PRKCE: variants seen among roughly 807,000 people sequenced by gnomAD.
PRKCE encodes protein kinase C epsilon, also known as protein kinase C epsilon type.
In PRKCE, 16 loss-of-function variants were observed where a neutral mutation model predicts 85.4. The ratio of observed to expected loss-of-function variants is 0.19; its 90% CI spans 0.13 to 0.28. The LOEUF is 0.28. Ranked by LOEUF, PRKCE falls within the 10% of genes least tolerant of loss-of-function variation. PRKCE has a pLI of 1.00. For synonymous variants in PRKCE, 388 were observed against 371.5 expected, an observed-to-expected ratio of 1.04 and a Z score of -0.51; for missense variants, 573 against 975.2, an observed-to-expected ratio of 0.59 and a Z score of 5.49.
At chr2:45,879,901 C>T (rs897459576) in intron 2 of PRKCE, among the ~76,000 whole-genome samples, 1 of 152,222 alleles carries the variant, frequency 6.6e-6, no homozygotes, top group African/African-American at 2.4e-5. Flanking sequence ...TATCCTCCTC[C>T]TACCTATTTG....
chr2:45,790,176 T>C (rs1406247426), intron 1 of PRKCE, among the ~76,000 whole-genome samples: 3 of 152,212 alleles, frequency 2.0e-5, no homozygotes, highest in African/African-American at 7.2e-5. Flanking sequence ...AAAATGCACA[T>C]ATGCATAAAT....
At chr2:45,692,879 A>G (rs1176256242) in intron 1 of PRKCE, among the ~76,000 whole-genome samples, 1 of 152,236 alleles carries the variant, frequency 6.6e-6, no homozygotes, top group Non-Finnish European at 1.5e-5. Context: ...TTTTAGTTGT[A>G]GAGAAGTGAG....
chr2:45,844,867 A>AT (rs1292110799), intron 2 of PRKCE, among the ~76,000 whole-genome samples: 2 of 151,964 alleles, frequency 1.3e-5, no homozygotes, highest in South Asian at 2.1e-4. Flanking sequence ...GAAGCAATTG[A>AT]TTTTTTTCTG....
chr2:46,001,087 A>T lies in PRKCE; in HGVS notation c.824-317A>T, dbSNP rs1056236120. 1 of 152,718 alleles carries T rather than the reference A, an allele frequency of 6.5e-6. No homozygotes were observed. The highest frequency in any genetic ancestry group is 2.4e-5 in the African/African-American group (1 of 41,444). 9.5% of individuals were successfully genotyped at this position (152,718 alleles called of 1,614,324 possible). A position where few individuals can be genotyped will look rare whatever the true frequency, so the allele number is the denominator to read the frequency against. Reference sequence around the variant, plus strand: ...GGAATTCATTGAATTCAGACTGGAGATCTGAAAGATTCCCAGTCCCTGGAG... The same window carrying T: ...GGAATTCATTGAATTCAGACTGGAGTTCTGAAAGATTCCCAGTCCCTGGAG... On this transcript the variant is annotated intron_variant, in intron 6 of 14. Coordinates refer to ENST00000306156, the MANE Select transcript of PRKCE (RefSeq NM_005400.3). The surrounding 1 kb of genome is among the most constrained non-coding windows in gnomAD (Gnocchi z 4.4).
intron 1 of PRKCE, among the ~76,000 whole-genome samples, chr2:45,715,526 T>C (rs1282303784): frequency 1.3e-5 from 2 of 152,212 alleles, no homozygotes; most frequent in East Asian, 1.9e-4. Flanking sequence ...GTGTCCTTCA[T>C]TGTCACAGGG....
intron 1 of PRKCE, among the ~76,000 whole-genome samples, chr2:45,663,714 CGG>C (rs1558535628): frequency 6.6e-6 from 1 of 151,754 alleles, no homozygotes; most frequent in African/African-American, 2.4e-5. Flanking sequence ...ACCCAGGAGG[CGG>C]AAGTTGCAGT....
At chr2:45,958,818 T>TATATATATATATA (rs1558885886) in intron 2 of PRKCE, among the ~76,000 whole-genome samples, 4 of 7,606 alleles carry the variant, frequency 5.3e-4, no homozygotes, top group African/African-American at 8.5e-4. Flanking sequence ...ATATATATAT[T>TATATATATATATA]TTTTTTTTTT....
At chr2:45,674,803 AGTCTACAGGAACTCCTTTTGGT>A (rs1676344942) in intron 1 of PRKCE, 1 of 152,168 alleles carries the variant, frequency 6.6e-6, no homozygotes, top group Non-Finnish European at 1.5e-5. Context: ...ACTCTGAGTG[AGTCTACAGGAACTCCTTTTGGT>A]GTCCTTGAGG....
intron 2 of PRKCE, among the ~76,000 whole-genome samples, chr2:45,892,245 C>T (rs2105882138): frequency 6.6e-6 from 1 of 152,300 alleles, no homozygotes; most frequent in South Asian, 2.1e-4. Flanking sequence ...CTCCCATGGC[C>T]CAAGTGTGCA....
chr2:46,075,322 C>T (rs1668464121), intron 10 of PRKCE, among the ~76,000 whole-genome samples: 1 of 152,092 alleles, frequency 6.6e-6, no homozygotes, highest in Non-Finnish European at 1.5e-5. Context: ...AGGCGTGAGC[C>T]ACCGTGCCCG....
At chr2:46,013,796 C>G (rs1705887937) in intron 10 of PRKCE, among the ~76,000 whole-genome samples, 2 of 151,994 alleles carry the variant, frequency 1.3e-5, no homozygotes, top group Admixed American at 1.3e-4. Context: ...AAAAATGGTC[C>G]TTTTGGAAAC....
chr2:45,688,018 G>A (rs977036070), intron 1 of PRKCE, among the ~76,000 whole-genome samples: 3 of 152,204 alleles, frequency 2.0e-5, no homozygotes, highest in African/African-American at 7.2e-5. Flanking sequence ...ATCTAGCTCT[G>A]GCCCTCTGGC....
intron 1 of PRKCE, among the ~76,000 whole-genome samples, chr2:45,704,102 G>A (rs1258706418): frequency 6.6e-6 from 1 of 152,226 alleles, no homozygotes; most frequent in Non-Finnish European, 1.5e-5. Flanking sequence ...TAGCTGAATA[G>A]AAAAGGGTCA....
intron 1 of PRKCE, among the ~76,000 whole-genome samples, chr2:45,657,403 A>G (rs938180912): frequency 6.6e-6 from 1 of 151,978 alleles, no homozygotes; most frequent in Non-Finnish European, 1.5e-5. Context: ...TAATAAATAT[A>G]CCTCCCTATA....
chr2:45,682,133 T>C (rs2103948596), intron 1 of PRKCE, among the ~76,000 whole-genome samples: 1 of 152,328 alleles, frequency 6.6e-6, no homozygotes, highest in African/African-American at 2.4e-5. Flanking sequence ...CAAACAGCTT[T>C]ACTGAGACAT....
chr2:45,902,812 T>C lies in PRKCE; in HGVS notation c.412+59749T>C, dbSNP rs570049910. 2.6e-5 allele frequency among the ~76,000 whole-genome samples: 4 copies of C among 152,368 alleles called. No individual in the cohort carries two copies. In the South Asian group the frequency reaches 8.3e-4, roughly 32 times the overall value. Reference sequence around the variant, plus strand: ...ATATCCAAAGTGTTCTCTGTAGGGTTAATAGCTATTAGAAGGGAACTGGAG... The same window carrying C: ...ATATCCAAAGTGTTCTCTGTAGGGTCAATAGCTATTAGAAGGGAACTGGAG... On this transcript the variant is annotated intron_variant, in intron 2 of 14. Transcript: ENST00000306156.
chr2:45,938,711 A>G (rs763029648), intron 2 of PRKCE, among the ~76,000 whole-genome samples: 8 of 144,838 alleles, frequency 5.5e-5, no homozygotes, highest in Non-Finnish European at 7.7e-5. Context: ...TTATTCAGCA[A>G]CTCTTAGAAC....
chr2:45,944,350 C>A (rs951836772), intron 2 of PRKCE, among the ~76,000 whole-genome samples: 2 of 152,162 alleles, frequency 1.3e-5, no homozygotes, highest in Admixed American at 6.5e-5. Flanking sequence ...ACAGGAAATG[C>A]TGTTGAGCCA....
intron 2 of PRKCE, among the ~76,000 whole-genome samples, chr2:45,945,513 G>A (rs896270727): frequency 1.3e-5 from 2 of 152,156 alleles, no homozygotes; most frequent in Non-Finnish European, 2.9e-5. Context: ...CTCCAACATT[G>A]GGGATTACAC....
Sources: gnomAD v4.1 joint callset for allele counts (sites outside exome capture counted in the v4.1 genomes callset) on GRCh38, gnomAD v4.1.1 for gene constraint, Gnocchi (gnomAD v3.1) non-coding constraint, MANE v1.5 for transcripts, NCBI Gene and HGNC (gene_info 2026-07-23, HGNC 2026-07-21) for gene names.